The following DLG2 variants were observed in gnomAD, a reference collection of about 807,000 sequenced individuals.
DLG2 encodes discs large MAGUK scaffold protein 2.
In DLG2, 45 loss-of-function variants were observed where a neutral mutation model predicts 132.5. The observed-to-expected ratio is 0.34, with a 90% confidence interval of 0.27 to 0.44. DLG2 has a LOEUF of 0.44. Ranked by LOEUF, DLG2 falls within the 20% of genes least tolerant of loss-of-function variation. DLG2 has a pLI of 1.00. For synonymous variants in DLG2, 424 were observed against 419.6 expected (o/e 1.01, Z -0.13); for missense variants, 1,045 against 1,196.9 (o/e 0.87, Z 1.87).
intron 6 of DLG2, among the ~76,000 whole-genome samples, chr11:85,095,249 A>T (rs1445089647): frequency 3.3e-5 from 5 of 152,254 alleles, no homozygotes; most frequent in Non-Finnish European, 7.3e-5. Flanking sequence ...ACAGAGAGAC[A>T]TGAAGTGAGC....
chr11:83,805,285 G>T (rs1249271608), intron 17 of DLG2, among the ~76,000 whole-genome samples: 1 of 151,656 alleles, frequency 6.6e-6, no homozygotes, highest in Non-Finnish European at 1.5e-5. Flanking sequence ...GTTAAAAAAT[G>T]GTTATTTTAT....
intron 19 of DLG2, among the ~76,000 whole-genome samples, chr11:83,582,773 C>T (rs192208651): frequency 4.6e-5 from 7 of 152,212 alleles, no homozygotes; most frequent in East Asian, 3.9e-4. Context: ...TATCTTTCAG[C>T]GACAAGCATT....
chr11:84,331,828 T>G (rs969066315), intron 7 of DLG2, among the ~76,000 whole-genome samples: 3 of 152,142 alleles, frequency 2.0e-5, no homozygotes, highest in African/African-American at 7.2e-5. Flanking sequence ...TTATTTCAGA[T>G]CTCACGCATA....
chr11:84,786,006 T>A (rs1333055942), intron 6 of DLG2, among the ~76,000 whole-genome samples: 4 of 152,158 alleles, frequency 2.6e-5, no homozygotes, highest in Non-Finnish European at 4.4e-5. Flanking sequence ...GAAATGGTAT[T>A]TGGAAACCAC....
chr11:85,345,388 C>T lies in DLG2; in HGVS notation c.41-60023G>A, dbSNP rs904892449. Among the ~76,000 whole-genome samples, 13 of 151,752 alleles carry T rather than the reference C, an allele frequency of 8.6e-5. No homozygotes were observed. The East Asian group carries it at 2.1e-3, about 25-fold the overall frequency. ...TACATAGGGTGTGGCTTGATAGTGA[C>T]GTTAAGAAGAAAAGGAAATTTACAC... On this transcript the variant is annotated intron_variant, in intron 3 of 27. Transcript: ENST00000376104.
rs34476380 is a variant in DLG2, at chr11:84,402,881, C to CAAAAAAAAAA, written c.519+131679_519+131688dup. Among the ~76,000 whole-genome samples, 83 of 73,848 alleles carry CAAAAAAAAAA rather than the reference C, an allele frequency of 1.1e-3. 2 individuals are homozygous for CAAAAAAAAAA. Among genetic ancestry groups the CAAAAAAAAAA allele is most frequent in the East Asian group, 0.011 (35 of 3,308 alleles). The allele number at this position is 73,848 out of a possible 152,430, so 48.4% of individuals were successfully genotyped here. On this transcript the variant is annotated intron_variant, in intron 7 of 27. Coordinates refer to ENST00000376104, the MANE Select transcript of DLG2 (RefSeq NM_001142699.3). ...TGGGCGACAGAGCGAAACTCCGTCT[C>CAAAAAAAAAA]AAAAAAAAAAAAAAAAAAAATTAAC... is the stretch of plus-strand genomic sequence containing the variant.
intron 8 of DLG2, among the ~76,000 whole-genome samples, chr11:84,211,842 T>C (rs1399819409): frequency 6.6e-6 from 1 of 152,218 alleles, no homozygotes; most frequent in Non-Finnish European, 1.5e-5. Flanking sequence ...CTTTTTTTGC[T>C]GTGAAGATAA....
chr11:84,717,710 A>G (rs2061380364), intron 6 of DLG2, among the ~76,000 whole-genome samples: 1 of 152,086 alleles, frequency 6.6e-6, no homozygotes, highest in East Asian at 1.9e-4. Context: ...AACTATCTTA[A>G]TAACAGTGGG....
In DLG2 at chr11:85,110,789, T is replaced by A. The variant is rs2072600947; in HGVS notation, c.357+872A>T. Among the ~76,000 whole-genome samples the A allele has an allele frequency of 1.3e-5, 2 of 152,106 alleles. 1 individual carries two copies. Among genetic ancestry groups the A allele is most frequent in the African/African-American group, 4.8e-5 (2 of 41,430 alleles). ...CAGCACATGGTACCTCAACAATAGA[T>A]AAAGATATTTAGGAAGCTCCACATA... On this transcript the variant is annotated intron_variant, in intron 6 of 27. Transcript: ENST00000376104.
intron 6 of DLG2, among the ~76,000 whole-genome samples, chr11:84,544,218 C>T (rs1461418635): frequency 1.3e-5 from 2 of 152,192 alleles, no homozygotes; most frequent in Non-Finnish European, 2.9e-5. Context: ...GGAGAGGTAA[C>T]TGTAATTCTA....
At chr11:84,114,890 G>C (rs546637133) in intron 9 of DLG2, among the ~76,000 whole-genome samples, 2 of 146,576 alleles carry the variant, frequency 1.4e-5, no homozygotes, top group Non-Finnish European at 3.0e-5. Flanking sequence ...GCCTTGTCTC[G>C]AACTCCTGAG....
intron 6 of DLG2, among the ~76,000 whole-genome samples, chr11:84,734,421 C>T (rs938929079): frequency 1.3e-4 from 20 of 151,908 alleles, no homozygotes; most frequent in Admixed American, 2.6e-4. Context: ...AGTTCACTCA[C>T]AATTTGGCTC....
intron 3 of DLG2, among the ~76,000 whole-genome samples, chr11:85,443,226 C>T (rs1176710951): frequency 1.3e-5 from 2 of 152,204 alleles, no homozygotes; most frequent in African/African-American, 4.8e-5. Flanking sequence ...ATGTCAATCT[C>T]CTCCATCAGA....
chr11:83,625,738 G>C (rs1433415402), intron 19 of DLG2, among the ~76,000 whole-genome samples: 1 of 152,152 alleles, frequency 6.6e-6, no homozygotes, highest in African/African-American at 2.4e-5. Flanking sequence ...TATTAAATTA[G>C]GTCCCAATTT....
At chr11:83,550,045 G>C (rs2096350089) in intron 19 of DLG2, among the ~76,000 whole-genome samples, 1 of 152,130 alleles carries the variant, frequency 6.6e-6, no homozygotes, top group African/African-American at 2.4e-5. Flanking sequence ...TATGACATGG[G>C]TTATACCACT....
chr11:85,575,102 C>T (rs1367752061), intron 3 of DLG2, among the ~76,000 whole-genome samples: 1 of 151,234 alleles, frequency 6.6e-6, no homozygotes, highest in Non-Finnish European at 1.5e-5. Flanking sequence ...AAACATAAGT[C>T]AGACCCTATT....
At chr11:84,133,637 C>G (rs1046801778) in intron 9 of DLG2, among the ~76,000 whole-genome samples, 6 of 151,406 alleles carry the variant, frequency 4.0e-5, no homozygotes, top group African/African-American at 1.2e-4. Context: ...CCTTCTTCTT[C>G]TTCTTCTACT....
intron 6 of DLG2, among the ~76,000 whole-genome samples, chr11:84,808,070 T>C (rs1210508545): frequency 1.3e-5 from 2 of 152,076 alleles, no homozygotes; most frequent in African/African-American, 4.8e-5. Flanking sequence ...CATAGAACAT[T>C]TACAATGCAT....
chr11:85,145,825 T>A (rs1039251430), intron 5 of DLG2, among the ~76,000 whole-genome samples: 3 of 152,140 alleles, frequency 2.0e-5, no homozygotes, highest in Non-Finnish European at 4.4e-5. Context: ...ACTCTAGAAT[T>A]TGTCACTGGT....
Sources: gnomAD v4.1 joint callset for allele counts (sites outside exome capture counted in the v4.1 genomes callset) on GRCh38, gnomAD v4.1.1 for gene constraint, MANE v1.5 for transcripts, NCBI Gene and HGNC (gene_info 2026-07-23, HGNC 2026-07-21) for gene names.